Variants in ADGRL2 observed in about 807,000 individuals in gnomAD.
ADGRL2 encodes calcium-independent alpha-latrotoxin receptor 2.
ADGRL2 carries 44 observed loss-of-function variants against 157.4 expected under a neutral mutation model. The observed-to-expected ratio is 0.28, with a 90% CI of 0.22 to 0.36. The LOEUF is 0.36. Among genes scored for constraint, ADGRL2 ranks in the 10% least tolerant of loss-of-function variants. The pLI, the probability that ADGRL2 is intolerant of heterozygous loss-of-function variation, is 1.00. For missense variants in ADGRL2, 1,510 were observed against 1,768.9 expected (o/e 0.85, Z 2.63); for synonymous variants, 585 against 624.7 (o/e 0.94, Z 0.95).
chr1:81,339,680 A>G (rs1210960365), intron 1 of ADGRL2, among the ~76,000 whole-genome samples: 2 of 152,136 alleles, frequency 1.3e-5, no homozygotes, highest in Non-Finnish European at 1.5e-5. Flanking sequence ...CAGTCTCTCA[A>G]GATTGACTAC....
chr1:81,980,740 T>G, intron 18 of ADGRL2: 1 of 631,146 alleles, frequency 1.6e-6, no homozygotes, highest in Non-Finnish European at 3.0e-6. Context: ...GAGCTAATCT[T>G]TAGCATCTCT....
intron 1 of ADGRL2, among the ~76,000 whole-genome samples, chr1:81,821,902 G>A (rs759068083): frequency 2.0e-5 from 3 of 152,034 alleles, no homozygotes; most frequent in Non-Finnish European, 4.4e-5. Context: ...TGCAAATGCT[G>A]ATTTGAGGAA....
chr1:81,325,686 G>A (rs532258532), intron 1 of ADGRL2, among the ~76,000 whole-genome samples: 30 of 152,270 alleles, frequency 2.0e-4, no homozygotes, highest in South Asian at 8.3e-4. Flanking sequence ...TCATGCAAAC[G>A]TCTTTAATTT....
At chr1:81,720,242 G>T (rs2149119210) in intron 1 of ADGRL2, among the ~76,000 whole-genome samples, 1 of 149,536 alleles carries the variant, frequency 6.7e-6, no homozygotes, top group Non-Finnish European at 1.5e-5. Flanking sequence ...GAGTGCAGTG[G>T]CATGATCTTA....
At chr1:81,426,537 C>T (rs555713486) in intron 1 of ADGRL2, 3 of 432,062 alleles carry the variant, frequency 6.9e-6, no homozygotes, top group South Asian at 5.2e-5. Flanking sequence ...GGATCATGAT[C>T]CAAAGGAACC....
upstream of ADGRL2, among the ~76,000 whole-genome samples, chr1:81,698,877 G>A (rs369177289): frequency 1.4e-4 from 21 of 152,212 alleles, no homozygotes; most frequent in African/African-American, 5.1e-4. Context: ...AAAGAGATAT[G>A]TAGCCAACCA....
At chr1:81,927,049 A>G (rs550972299) in intron 3 of ADGRL2, among the ~76,000 whole-genome samples, 1 of 152,150 alleles carries the variant, frequency 6.6e-6, no homozygotes, top group Non-Finnish European at 1.5e-5. Context: ...TAAGTTGTAA[A>G]TGAACTAAAT....
chr1:81,570,530 A>G (rs1180085862), intron 2 of ADGRL2, among the ~76,000 whole-genome samples: 2 of 152,128 alleles, frequency 1.3e-5, no homozygotes, highest in African/African-American at 2.4e-5. Flanking sequence ...CTGGGGCTAC[A>G]GGCGTGTGCC....
intron 3 of ADGRL2, among the ~76,000 whole-genome samples, chr1:81,928,698 G>A (rs142752517): frequency 8.9e-4 from 136 of 152,152 alleles, no homozygotes; most frequent in Admixed American, 1.4e-3. Context: ...GCAATAGTTC[G>A]TCTGTAGATA....
intron 1 of ADGRL2, among the ~76,000 whole-genome samples, chr1:81,362,405 C>G (rs200527157): frequency 7.0e-6 from 1 of 143,510 alleles, no homozygotes; most frequent in Non-Finnish European, 1.5e-5. Context: ...TTTTTTTTTT[C>G]TTTGACTATC....
intron 1 of ADGRL2, among the ~76,000 whole-genome samples, chr1:81,819,594 CACAT>C (rs2090775069): frequency 6.6e-6 from 1 of 151,002 alleles, no homozygotes; most frequent in South Asian, 2.1e-4. Flanking sequence ...TTTAAATACT[CACAT>C]AAAGTGAAAA....
intron 2 of ADGRL2, 83 bp downstream of exon 2, chr1:81,837,140 ATTTG>A (rs1481062311): frequency 1.6e-6 from 1 of 633,478 alleles, no homozygotes; most frequent in East Asian, 3.2e-5. Flanking sequence ...TGCCTAGAAT[ATTTG>A]TTTATTATTT....
intron 2 of ADGRL2, among the ~76,000 whole-genome samples, chr1:81,852,210 C>T (rs976562457): frequency 2.0e-5 from 3 of 152,002 alleles, no homozygotes; most frequent in Non-Finnish European, 4.4e-5. Flanking sequence ...TTTATTCCTG[C>T]ATGGTTTACA....
chr1:81,622,450 A>G (rs1237723744), intron 3 of ADGRL2, among the ~76,000 whole-genome samples: 1 of 152,152 alleles, frequency 6.6e-6, no homozygotes, highest in Non-Finnish European at 1.5e-5. Context: ...GCGTGGTGGC[A>G]CACGCCTGTA....
chr1:81,508,419 T>C (rs191785178), intron 2 of ADGRL2, among the ~76,000 whole-genome samples: 20 of 152,304 alleles, frequency 1.3e-4, no homozygotes, highest in Non-Finnish European at 5.9e-5. Flanking sequence ...ACTTTGAGAC[T>C]CACTGACCTG....
At chr1:81,982,766 T>G (rs1018684214) in intron 19 of ADGRL2, among the ~76,000 whole-genome samples, 1 of 151,964 alleles carries the variant, frequency 6.6e-6, no homozygotes, top group Admixed American at 6.6e-5. Context: ...GCTATAATTT[T>G]GAGATAATGA....
chr1:81,494,524 T>C lies in ADGRL2; in HGVS notation c.-248+49435T>C, dbSNP rs17098775. ...AAATCTTAAAGATCACCTGTGACAT[T>C]CATTTCATGTCACCACTGAGAAAAC... On this transcript the variant is annotated intron_variant, in intron 2 of 24. Coordinates refer to the ADGRL2 transcript ENST00000370721. Among the ~76,000 whole-genome samples, 53 of 152,268 alleles carry C rather than the reference T, an allele frequency of 3.5e-4. No homozygotes were observed. In the East Asian group the frequency reaches 8.7e-3, roughly 25 times the overall value.
At chr1:81,775,008 AG>A (rs2086520248) in intron 2 of ADGRL2, among the ~76,000 whole-genome samples, 1 of 152,138 alleles carries the variant, frequency 6.6e-6, no homozygotes, top group Non-Finnish European at 1.5e-5. Context: ...ATTTGGAAAA[AG>A]CTGGCAGAAA....
At chr1:81,909,951 G>A (rs921560861) in intron 3 of ADGRL2, among the ~76,000 whole-genome samples, 2 of 151,864 alleles carry the variant, frequency 1.3e-5, no homozygotes, top group Non-Finnish European at 2.9e-5. Context: ...TTTGAAAATA[G>A]TACAATTGCC....
Sources: allele counts gnomAD v4.1 joint callset (sites outside exome capture counted in the v4.1 genomes callset), GRCh38; gene constraint gnomAD v4.1.1; transcripts MANE v1.5; gene names NCBI Gene and HGNC (gene_info 2026-07-23, HGNC 2026-07-21).